The following CMIP variants were observed in gnomAD, a reference collection of about 807,000 sequenced individuals.
CMIP encodes the protein C-Maf-inducing protein.
Under a neutral mutation model 97.3 loss-of-function variants are expected in CMIP, and 13 were observed. The observed-to-expected ratio is 0.13, with a 90% CI of 0.09 to 0.21. CMIP has a LOEUF of 0.21. CMIP is among the 10% of genes least tolerant of loss of function. The probability of loss-of-function intolerance (pLI) is 1.00; values close to 1 mark genes in which losing one functional copy is unlikely to be tolerated. For synonymous variants in CMIP, 538 were observed against 436.3 expected, an observed-to-expected ratio of 1.23 and a Z score of -2.91; for missense variants, 847 against 1,024.9, an observed-to-expected ratio of 0.83 and a Z score of 2.37.
At chr16:81,533,431 G>C (rs1368336186) in intron 1 of CMIP, among the ~76,000 whole-genome samples, 2 of 152,170 alleles carry the variant, frequency 1.3e-5, no homozygotes, top group African/African-American at 4.8e-5. Flanking sequence ...CTAAGGTTAT[G>C]TGCATGATTT....
At chr16:81,684,002 CT>C (rs1905143326) in intron 10 of CMIP, among the ~76,000 whole-genome samples, 1 of 152,108 alleles carries the variant, frequency 6.6e-6, no homozygotes, top group Non-Finnish European at 1.5e-5. Context: ...CTCAAGTGAT[CT>C]GCCCACCTCA....
chr16:81,691,651 A>T, intron 10 of CMIP, 124 bp from the exon 11 acceptor site: 8 of 730,210 alleles, frequency 1.1e-5, no homozygotes, highest in African/African-American at 1.7e-5. Context: ...GTGGGTGGAG[A>T]AGTCAGTGCC....
chr16:81,601,892 C>G lies in CMIP; in HGVS notation c.301-5675C>G, dbSNP rs535941869. 1.8e-4 allele frequency among the ~76,000 whole-genome samples: 27 copies of G among 152,314 alleles called. No individual in the cohort carries two copies. The East Asian group carries it at 5.2e-3, about 29-fold the overall frequency. On this transcript the variant is annotated intron_variant, in intron 1 of 20. Transcript: ENST00000537098. ...TCACATGGCCCTGTCAAGCTGGTGG[C>G]CCAGGACAAAAGCCCCTTAGCCTTG...
intron 1 of CMIP, among the ~76,000 whole-genome samples, chr16:81,551,616 G>C (rs1442386786): frequency 1.3e-5 from 2 of 152,180 alleles, no homozygotes; most frequent in African/African-American, 4.8e-5. Flanking sequence ...GTGGGAACCT[G>C]CTCTGTCTTC....
At chr16:81,603,245 C>T (rs1223853468) in intron 1 of CMIP, among the ~76,000 whole-genome samples, 3 of 151,966 alleles carry the variant, frequency 2.0e-5, no homozygotes, top group African/African-American at 4.8e-5. Context: ...ACGCCTGGCT[C>T]GTTTTTTTAG....
intron 11 of CMIP, 41 bp downstream of exon 11, chr16:81,691,881 G>C (rs756943088): frequency 2.3e-5 from 36 of 1,549,616 alleles, no homozygotes; most frequent in Non-Finnish European, 2.9e-5. Context: ...CCACCTGTGA[G>C]ACAAACCTCA....
At chr16:81,575,588 C>A (rs1280084735) in intron 1 of CMIP, among the ~76,000 whole-genome samples, 1 of 152,148 alleles carries the variant, frequency 6.6e-6, no homozygotes, top group Non-Finnish European at 1.5e-5. Flanking sequence ...GAGCCAACAC[C>A]CCCAGGACAA....
At chr16:81,670,631 GGGGT>G (rs1204871310) in intron 8 of CMIP, among the ~76,000 whole-genome samples, 11 of 147,070 alleles carry the variant, frequency 7.5e-5, no homozygotes, top group African/African-American at 2.7e-4. Context: ...GGGGGGGGGG[GGGGT>G]GGTTGCTTTT....
intron 1 of CMIP, among the ~76,000 whole-genome samples, chr16:81,457,717 T>A (rs894308646): frequency 6.6e-6 from 1 of 152,242 alleles, no homozygotes; most frequent in Non-Finnish European, 1.5e-5. Context: ...CGGGCTGGCA[T>A]GTGACAGAGC....
chr16:81,648,304 G>C (rs1056403825), intron 3 of CMIP, among the ~76,000 whole-genome samples: 2 of 151,888 alleles, frequency 1.3e-5, no homozygotes, highest in Non-Finnish European at 2.9e-5. Context: ...TTGACCTCTC[G>C]GGGCCATGAT....
At chr16:81,642,401 A>C (rs1465803259) in intron 3 of CMIP, among the ~76,000 whole-genome samples, 1 of 152,148 alleles carries the variant, frequency 6.6e-6, no homozygotes, top group East Asian at 1.9e-4. Context: ...GTAAGCATTG[A>C]TTAATTCATC....
At chr16:81,661,687 A>G (rs34035175) in intron 6 of CMIP, among the ~76,000 whole-genome samples, 23,717 of 152,178 alleles carry the variant, frequency 0.16, 1,886 homozygotes, top group Non-Finnish European at 0.16. Context: ...GGGGTGGAAC[A>G]GCAGGCCCCT....
intron 1 of CMIP, among the ~76,000 whole-genome samples, chr16:81,509,014 C>T (rs1002580659): frequency 6.6e-6 from 1 of 152,210 alleles, no homozygotes; most frequent in African/African-American, 2.4e-5. Context: ...GTTCCCTTTC[C>T]CTTAGCCTTA....
At chr16:81,690,055 T>A (rs1905875651) in intron 10 of CMIP, among the ~76,000 whole-genome samples, 1 of 152,206 alleles carries the variant, frequency 6.6e-6, no homozygotes. Flanking sequence ...TTGGTTACTG[T>A]AGCCTTGTAG....
Position 81,528,024 on chromosome 16 carries a change from C to G in CMIP, c.301-79543C>G, listed in dbSNP as rs1171332373. ...CAACCTGTTTTCCAAAGTGGTTGTA[C>G]CAGTTTACATTCCCAGGAGCAGTAT... On this transcript the variant is annotated intron_variant, in intron 1 of 20. Transcript: ENST00000537098. Among the ~76,000 whole-genome samples the G allele has an allele frequency of 3.9e-5, 6 of 152,164 alleles. No individual in the cohort carries two copies. The East Asian group carries it at 9.6e-4, about 24-fold the overall frequency.
intron 3 of CMIP, among the ~76,000 whole-genome samples, chr16:81,648,020 C>T (rs1597192264): frequency 7.5e-6 from 1 of 133,460 alleles, no homozygotes; most frequent in African/African-American, 2.9e-5. Flanking sequence ...CCCCCGCACC[C>T]GCAGAGCCGT....
Position 81,569,079 on chromosome 16 carries a change from A to G in CMIP, c.301-38488A>G, listed in dbSNP as rs114005842. Among the ~76,000 whole-genome samples the G allele has an allele frequency of 3.5e-3, 539 of 152,334 alleles. 4 individuals are homozygous for G. Among genetic ancestry groups the G allele is most frequent in the African/African-American group, 0.012 (484 of 41,586 alleles). On this transcript the variant is annotated intron_variant, in intron 1 of 20. Transcript: ENST00000537098. ...AATAAGATCGTACATTTTACGAAGA[A>G]GGCATCTGTAGCACCCTTATGAATG... is the stretch of plus-strand genomic sequence containing the variant.
At chr16:81,670,109 C>A in intron 7 of CMIP, 33 bp from the exon 8 acceptor site, 1 of 1,580,780 alleles carries the variant, frequency 6.3e-7, no homozygotes, top group South Asian at 1.2e-5. Flanking sequence ...TGCCTAGCAC[C>A]GTCCCGACTC....
At chr16:81,456,181 G>C (rs1462459810) in intron 1 of CMIP, among the ~76,000 whole-genome samples, 1 of 152,240 alleles carries the variant, frequency 6.6e-6, no homozygotes, top group East Asian at 1.9e-4. Context: ...GGGAGTCCCA[G>C]CAGGGCCAGA....
Sources: allele counts gnomAD v4.1 joint callset (sites outside exome capture counted in the v4.1 genomes callset), GRCh38; gene constraint gnomAD v4.1.1; transcripts MANE v1.5; gene names NCBI Gene and HGNC (gene_info 2026-07-23, HGNC 2026-07-21).